The following GRIN2B variants were observed in gnomAD, a reference collection of about 807,000 sequenced individuals.
The protein encoded by GRIN2B is glutamate receptor ionotropic, NMDA 2B.
In GRIN2B, 5 loss-of-function variants were observed where a neutral mutation model predicts 114.5. The observed-to-expected ratio is 0.04, with a 90% CI of 0.02 to 0.09. The LOEUF (loss-of-function observed/expected upper bound fraction) is 0.09, where lower values mean the gene tolerates loss of function less well. GRIN2B is among the 10% of genes least tolerant of loss of function. The probability of loss-of-function intolerance (pLI) is 1.00; values close to 1 mark genes in which losing one functional copy is unlikely to be tolerated. For missense variants in GRIN2B, 1,108 were observed against 1,943.5 expected (o/e 0.57, Z 8.08); for synonymous variants, 787 against 745.1 (o/e 1.06, Z -0.92).
intron 5 of GRIN2B, among the ~76,000 whole-genome samples, chr12:13,643,708 T>C (rs1444527065): frequency 6.6e-6 from 1 of 152,194 alleles, no homozygotes; most frequent in African/African-American, 2.4e-5. Context: ...CTACTACTGC[T>C]TTATCAACTA....
chr12:13,539,549 T>A lies in GRIN2B; in HGVS notation c.*23234A>T, dbSNP rs1366658404. Reference sequence around the variant, plus strand: ...AACAGGACTGGGACTGGGAGTGGGGTGGGAAACAATCAGCAAAACAAGGGC... The same window carrying A: ...AACAGGACTGGGACTGGGAGTGGGGAGGGAAACAATCAGCAAAACAAGGGC... On this transcript the variant is annotated 3_prime_UTR_variant, in exon 14 of 14. Coordinates refer to ENST00000609686, the MANE Select transcript of GRIN2B (RefSeq NM_000834.5). The A allele has an allele frequency of 6.6e-6, 1 of 151,968 alleles. No individual in the cohort carries two copies. The highest frequency in any genetic ancestry group is 2.4e-5 in the African/African-American group (1 of 41,372). The allele number at this position is 151,968 out of a possible 1,614,324, so 9.4% of individuals were successfully genotyped here.
intron 13 of GRIN2B, among the ~76,000 whole-genome samples, chr12:13,566,708 A>T (rs77862175): frequency 1.3e-5 from 2 of 152,268 alleles, no homozygotes; most frequent in Non-Finnish European, 2.9e-5. Context: ...CAATTTATAC[A>T]GAACCAACTA....
intron 4 of GRIN2B, among the ~76,000 whole-genome samples, chr12:13,698,176 G>A (rs149294807): frequency 6.6e-5 from 10 of 152,372 alleles, no homozygotes; most frequent in Non-Finnish European, 5.9e-5. Flanking sequence ...AGGGATGCGC[G>A]TGCATGCTGT....
At position 13,675,736 on chromosome 12, in the gene GRIN2B, A is replaced by G. The variant is rs764590430; in HGVS notation, c.1125+9T>C. 39 of 1,511,544 alleles carry G rather than the reference A, an allele frequency of 2.6e-5. No homozygotes were observed. In the East Asian group the frequency reaches 8.6e-4, roughly 33 times the overall value. 93.6% of individuals were successfully genotyped at this position (1,511,544 alleles called of 1,614,324 possible). On this transcript the variant is annotated intron_variant, in intron 5 of 13. Transcript: ENST00000609686. Reference sequence around the variant, plus strand: ...ACTTTGCTCAAGAATTGTCAAAGACATGTCTTACCCTTTCCCACTTCCTCT... The same window carrying G: ...ACTTTGCTCAAGAATTGTCAAAGACGTGTCTTACCCTTTCCCACTTCCTCT...
intron 4 of GRIN2B, among the ~76,000 whole-genome samples, chr12:13,715,045 A>G (rs1950443516): frequency 6.6e-6 from 1 of 151,832 alleles, no homozygotes; most frequent in South Asian, 2.1e-4. Context: ...GCATTGCTGG[A>G]GTATTATGGG....
intron 5 of GRIN2B, among the ~76,000 whole-genome samples, chr12:13,666,936 A>G (rs988151529): frequency 1.3e-5 from 2 of 152,194 alleles, no homozygotes; most frequent in African/African-American, 2.4e-5. Flanking sequence ...GGTGAAAAAT[A>G]TGTAAAGGTA....
intron 4 of GRIN2B, among the ~76,000 whole-genome samples, chr12:13,685,523 G>C (rs573571050): frequency 3.2e-4 from 48 of 152,292 alleles, no homozygotes; most frequent in African/African-American, 1.1e-3. Context: ...TCAAAGGAGG[G>C]AGGATCTTCC....
chr12:13,751,128 A>G (rs1203842273), intron 4 of GRIN2B, among the ~76,000 whole-genome samples: 1 of 152,160 alleles, frequency 6.6e-6, no homozygotes, highest in Non-Finnish European at 1.5e-5. Flanking sequence ...GAAGCAAGAG[A>G]GAGCATGGTG....
chr12:13,943,252 G>T (rs1867294743), intron 2 of GRIN2B, among the ~76,000 whole-genome samples: 2 of 152,258 alleles, frequency 1.3e-5, no homozygotes, highest in South Asian at 4.1e-4. Flanking sequence ...AAGGAGAAGT[G>T]TACAAAATTT....
In GRIN2B at chr12:13,549,997, C is replaced by A. The variant is rs1167906661; in HGVS notation, c.*12786G>T. On this transcript the variant is annotated 3_prime_UTR_variant, in exon 14 of 14. Coordinates refer to ENST00000609686, the MANE Select transcript of GRIN2B (RefSeq NM_000834.5). The stretch of plus-strand genomic sequence containing the variant: ...CAGACAATTCAGGCAGCATTACTCG[C>A]TGAGCTAGACTGAGAGTTAGAAATT... 1 of 152,156 alleles carries A rather than the reference C, an allele frequency of 6.6e-6. No individual in the cohort carries two copies. Among genetic ancestry groups the A allele is most frequent in the Non-Finnish European group, 1.5e-5 (1 of 68,036 alleles). 9.4% of individuals were successfully genotyped at this position (152,156 alleles called of 1,614,324 possible).
rs1438355034 is a variant in GRIN2B at position 13,551,106 on chromosome 12, A to AT, written c.*11676dup. The AT allele has an allele frequency of 4.6e-5, 7 of 152,066 alleles. No homozygotes were observed. Among genetic ancestry groups the AT allele is most frequent in the African/African-American group, 1.7e-4 (7 of 41,410 alleles). 9.4% of individuals were successfully genotyped at this position (152,066 alleles called of 1,614,324 possible). The stretch of plus-strand genomic sequence containing the variant: ...TGCTTCCTGCCTATGTGAAACCTTG[A>AT]TATTTTTCTTGCTCCTGACCCTGGG... On this transcript the variant is annotated 3_prime_UTR_variant, in exon 14 of 14. Transcript: ENST00000609686.
rs1377873699 is a variant in GRIN2B, at chr12:13,980,197, T to C, written c.-288A>G. On this transcript the variant is annotated 5_prime_UTR_variant, in exon 2 of 14. Coordinates refer to ENST00000609686, the MANE Select transcript of GRIN2B (RefSeq NM_000834.5). ...TGCAGAATCCAGAGTAATTATTCCG[T>C]GTGCATGTGAGGTTAGTGGCTGGAA... 1 of 152,152 alleles carries C rather than the reference T, an allele frequency of 6.6e-6. No individual in the cohort carries two copies. The highest frequency in any genetic ancestry group is 1.9e-4 in the East Asian group (1 of 5,190). The allele number at this position is 152,152 out of a possible 1,614,324, so 9.4% of individuals were successfully genotyped here.
chr12:13,562,541 T>C lies in GRIN2B; in HGVS notation c.*242A>G, dbSNP rs199886565. 1 of 543,592 alleles carries C rather than the reference T, an allele frequency of 1.8e-6. No homozygotes were observed. Among genetic ancestry groups the C allele is most frequent in the Non-Finnish European group, 3.3e-6 (1 of 302,968 alleles). The allele number at this position is 543,592 out of a possible 1,614,324, so 33.7% of individuals were successfully genotyped here. ...TGAGAGGGCCCATGGCATCATCTCA[T>C]GGGAACAGGAATGGCTGACAGCGGG... On this transcript the variant is annotated 3_prime_UTR_variant, in exon 14 of 14. Coordinates refer to ENST00000609686, the MANE Select transcript of GRIN2B (RefSeq NM_000834.5).
intron 2 of GRIN2B, among the ~76,000 whole-genome samples, chr12:13,882,900 C>T (rs576276081): frequency 6.6e-6 from 1 of 152,226 alleles, no homozygotes; most frequent in South Asian, 2.1e-4. Flanking sequence ...CAAATATTTC[C>T]GTGTTCCTTT....
intron 5 of GRIN2B, among the ~76,000 whole-genome samples, chr12:13,648,328 G>A (rs548304885): frequency 6.6e-6 from 1 of 151,944 alleles, no homozygotes; most frequent in Non-Finnish European, 1.5e-5. Context: ...CACCCTCCTA[G>A]AGTATCTAAT....
intron 3 of GRIN2B, among the ~76,000 whole-genome samples, chr12:13,863,533 T>C (rs560291197): frequency 9.6e-4 from 147 of 152,346 alleles, no homozygotes; most frequent in Non-Finnish European, 1.7e-3. Flanking sequence ...TGAGCCTCAG[T>C]TTCCCCATCT....
intron 10 of GRIN2B, among the ~76,000 whole-genome samples, chr12:13,572,705 G>C (rs1378333559): frequency 6.6e-6 from 1 of 152,068 alleles, no homozygotes; most frequent in Non-Finnish European, 1.5e-5. Context: ...TCTTTATGTT[G>C]CTTCCTGAAC....
At chr12:13,592,955 A>G (rs1206702300) in intron 10 of GRIN2B, among the ~76,000 whole-genome samples, 1 of 152,218 alleles carries the variant, frequency 6.6e-6, no homozygotes, top group Non-Finnish European at 1.5e-5. Context: ...AAAAAAATGT[A>G]GTGGTCATGA....
chr12:13,598,379 C>G (rs1032181604), intron 10 of GRIN2B, among the ~76,000 whole-genome samples: 1 of 152,168 alleles, frequency 6.6e-6, no homozygotes, highest in African/African-American at 2.4e-5. Flanking sequence ...TCCCATATGG[C>G]CTCATCTGGT....
Sources: allele counts gnomAD v4.1 joint callset (sites outside exome capture counted in the v4.1 genomes callset), GRCh38; gene constraint gnomAD v4.1.1; transcripts MANE v1.5; gene names NCBI Gene and HGNC (gene_info 2026-07-23, HGNC 2026-07-21).